DLG2: variants seen among roughly 807,000 people sequenced by gnomAD.
DLG2 encodes discs large MAGUK scaffold protein 2.
DLG2 carries 45 observed loss-of-function variants against 132.5 expected under a neutral mutation model. The ratio of observed to expected loss-of-function variants is 0.34; its 90% confidence interval spans 0.27 to 0.44. The LOEUF is 0.44. Among genes scored for constraint, DLG2 ranks in the 20% least tolerant of loss-of-function variants. The pLI, the probability that DLG2 is intolerant of heterozygous loss-of-function variation, is 1.00. For synonymous variants in DLG2, 424 were observed against 419.6 expected, an observed-to-expected ratio of 1.01 and a Z score of -0.13; for missense variants, 1,045 against 1,196.9, an observed-to-expected ratio of 0.87 and a Z score of 1.87.
At chr11:85,368,929 C>G (rs2084761446) in intron 3 of DLG2, among the ~76,000 whole-genome samples, 1 of 152,218 alleles carries the variant, frequency 6.6e-6, no homozygotes, top group Non-Finnish European at 1.5e-5. Context: ...AGGAAGCACT[C>G]TAGTGGAGGT....
At chr11:83,877,336 TC>T (rs962424477) in intron 15 of DLG2, among the ~76,000 whole-genome samples, 4 of 152,130 alleles carry the variant, frequency 2.6e-5, no homozygotes, top group African/African-American at 9.7e-5. Flanking sequence ...TCTAATCCTT[TC>T]CTTTACCATT....
intron 3 of DLG2, among the ~76,000 whole-genome samples, chr11:85,324,541 T>A (rs1269163347): frequency 6.6e-6 from 1 of 152,154 alleles, no homozygotes; most frequent in Non-Finnish European, 1.5e-5. Flanking sequence ...CGGAGCATCA[T>A]CCCCATTTCC....
At chr11:83,790,659 A>T (rs1307413848) in intron 17 of DLG2, 3 of 1,037,960 alleles carry the variant, frequency 2.9e-6, no homozygotes, top group East Asian at 2.4e-5. Context: ...GAGTGGAGGG[A>T]CATGATGCGG....
chr11:84,628,537 T>C (rs546800616), intron 6 of DLG2, among the ~76,000 whole-genome samples: 1 of 152,342 alleles, frequency 6.6e-6, no homozygotes, highest in Admixed American at 6.5e-5. Flanking sequence ...AAGAACTACA[T>C]AGTTTCCTGA....
At chr11:85,472,657 T>G (rs1333333674) in intron 3 of DLG2, among the ~76,000 whole-genome samples, 1 of 152,172 alleles carries the variant, frequency 6.6e-6, no homozygotes, top group East Asian at 1.9e-4. Context: ...TGGTTATCCT[T>G]GTAACCTCAT....
At chr11:83,720,101 TG>T (rs1415184541) in intron 18 of DLG2, among the ~76,000 whole-genome samples, 1 of 151,690 alleles carries the variant, frequency 6.6e-6, no homozygotes, top group Non-Finnish European at 1.5e-5. Context: ...GAGACCAGCC[TG>T]GTCAACATGG....
At position 85,170,277 on chromosome 11, in the gene DLG2, A is replaced by T. The variant is rs117713668; in HGVS notation, c.187-15626T>A. Among the ~76,000 whole-genome samples, 106 of 152,162 alleles carry T rather than the reference A, an allele frequency of 7.0e-4. 1 individual carries two copies. In the East Asian group the frequency reaches 8.3e-3, roughly 12 times the overall value. ...ACTTCAGTAAGGCCTGTTTGTTCAG[A>T]TTTTTTCCTGTGTCTCTGTATGACA... On this transcript the variant is annotated intron_variant, in intron 4 of 27. Transcript: ENST00000376104.
intron 6 of DLG2, among the ~76,000 whole-genome samples, chr11:84,791,086 G>A: frequency 6.6e-6 from 1 of 152,108 alleles, no homozygotes; most frequent in Non-Finnish European, 1.5e-5. Context: ...CTTATGTGGT[G>A]GCAGGTGAGA....
At chr11:84,716,697 T>C (rs1174881353) in intron 6 of DLG2, among the ~76,000 whole-genome samples, 1 of 142,932 alleles carries the variant, frequency 7.0e-6, no homozygotes, top group Admixed American at 7.1e-5. Context: ...TGATGGCATA[T>C]GGACAGGGGC....
intron 14 of DLG2, among the ~76,000 whole-genome samples, chr11:83,931,163 T>C (rs1311812353): frequency 3.3e-5 from 5 of 152,246 alleles, no homozygotes; most frequent in Admixed American, 3.3e-4. Context: ...TTAATTATGT[T>C]TGGAGTCCAT....
intron 8 of DLG2, among the ~76,000 whole-genome samples, chr11:84,174,939 A>G (rs1188668344): frequency 6.6e-6 from 1 of 152,182 alleles, no homozygotes; most frequent in Admixed American, 6.6e-5. Flanking sequence ...TTAGCATTTT[A>G]ATGTTGATTT....
intron 6 of DLG2, among the ~76,000 whole-genome samples, chr11:84,681,982 C>G (rs899629400): frequency 3.3e-5 from 5 of 152,190 alleles, no homozygotes; most frequent in African/African-American, 1.2e-4. Context: ...CTGGCATATA[C>G]AGAGATCACA....
intron 6 of DLG2, among the ~76,000 whole-genome samples, chr11:84,836,372 C>T (rs568381102): frequency 4.6e-5 from 7 of 151,802 alleles, no homozygotes; most frequent in African/African-American, 1.7e-4. Context: ...AATTCCACCA[C>T]AATGATCTTA....
intron 4 of DLG2, among the ~76,000 whole-genome samples, chr11:85,204,630 A>G (rs1595363713): frequency 6.6e-6 from 1 of 152,236 alleles, no homozygotes; most frequent in East Asian, 1.9e-4. Flanking sequence ...TACGAATTCA[A>G]TGCAATCCTT....
At chr11:84,576,203 C>T (rs987180851) in intron 6 of DLG2, among the ~76,000 whole-genome samples, 1 of 152,150 alleles carries the variant, frequency 6.6e-6, no homozygotes, top group East Asian at 1.9e-4. Context: ...ATATGGTTAT[C>T]GTTTACTGTT....
chr11:85,009,404 A>G (rs972961173), intron 6 of DLG2, among the ~76,000 whole-genome samples: 7 of 152,266 alleles, frequency 4.6e-5, no homozygotes, highest in African/African-American at 1.7e-4. Flanking sequence ...TGGTTTCTAG[A>G]ACCTTTGTAC....
chr11:84,823,067 T>A (rs1024290845), intron 6 of DLG2, among the ~76,000 whole-genome samples: 1 of 151,924 alleles, frequency 6.6e-6, no homozygotes, highest in African/African-American at 2.4e-5. Flanking sequence ...ATGTAAAACA[T>A]CTTTTTAGCA....
intron 6 of DLG2, among the ~76,000 whole-genome samples, chr11:84,790,836 A>C (rs11234185): frequency 0.28 from 43,035 of 152,110 alleles, 6,536 homozygotes; most frequent in Middle Eastern, 0.32. Context: ...CATTCATTGA[A>C]AAGACTGTCC....
chr11:83,676,666 C>T (rs2077748839), intron 18 of DLG2, among the ~76,000 whole-genome samples: 1 of 152,148 alleles, frequency 6.6e-6, no homozygotes, highest in African/African-American at 2.4e-5. Flanking sequence ...AGCAAGGGTG[C>T]AAGGTTTAGT....
Sources: gnomAD v4.1 joint callset for allele counts (sites outside exome capture counted in the v4.1 genomes callset) on GRCh38, gnomAD v4.1.1 for gene constraint, MANE v1.5 for transcripts, NCBI Gene and HGNC (gene_info 2026-07-23, HGNC 2026-07-21) for gene names.